Variants in UNK observed in about 807,000 individuals in gnomAD.
UNK encodes RING finger protein unkempt homolog.
In UNK, 32 loss-of-function variants were observed where a neutral mutation model predicts 97.6. The ratio of observed to expected loss-of-function variants is 0.33; its 90% CI spans 0.25 to 0.44. The LOEUF (loss-of-function observed/expected upper bound fraction) is 0.44. Ranked by LOEUF, UNK falls within the 20% of genes least tolerant of loss-of-function variation. UNK has a pLI of 1.00. For missense variants in UNK, 771 were observed against 1,098.4 expected (o/e 0.70, Z 4.21); for synonymous variants, 441 against 461.2 (o/e 0.96, Z 0.56).
intron 1 of UNK, among the ~76,000 whole-genome samples, chr17:75,796,231 G>T (rs1292475358): frequency 2.0e-5 from 3 of 151,744 alleles, no homozygotes; most frequent in African/African-American, 7.3e-5. Flanking sequence ...CTGCCAGAGA[G>T]AATATTCTAA....
chr17:75,800,104 T>A (rs2061842088), intron 1 of UNK, among the ~76,000 whole-genome samples: 1 of 152,194 alleles, frequency 6.6e-6, no homozygotes, highest in Non-Finnish European at 1.5e-5. Flanking sequence ...GGTCTCAGTC[T>A]ATCCTCCTGG....
In UNK at chr17:75,822,427, C is replaced by G. The variant is rs568812521; in HGVS notation, c.1838-50C>G. 5.1e-6 allele frequency: 8 copies of G among 1,553,472 alleles called. No individual in the cohort carries two copies. The African/African-American group carries it at 8.2e-5, about 16-fold the overall frequency. On this transcript the variant is annotated intron_variant, in intron 13 of 15. Transcript: ENST00000589666. ...ACCTCTGAGGCAGGGCTGGCCAGGG[C>G]CTGGGCCCAAAGCCCTCCGGAGCTG... is the stretch of plus-strand genomic sequence containing the variant.
intron 1 of UNK, chr17:75,791,943 C>T: frequency 1.0e-6 from 1 of 985,408 alleles, no homozygotes; most frequent in Non-Finnish European, 1.2e-6. Context: ...AAATAGCACC[C>T]CAGATAAGTG....
intron 1 of UNK, among the ~76,000 whole-genome samples, chr17:75,786,170 C>A (rs891387145): frequency 3.3e-5 from 5 of 152,182 alleles, no homozygotes; most frequent in Non-Finnish European, 5.9e-5. Flanking sequence ...TTAACCATTC[C>A]TTTTCTGATA....
chr17:75,823,348 G>A lies in UNK; in HGVS notation c.2103G>A (p.Glu701=). 1 of 1,611,660 alleles carries A rather than the reference G, an allele frequency of 6.2e-7. No homozygotes were observed. Among genetic ancestry groups the A allele is most frequent in the South Asian group, 1.1e-5 (1 of 90,978 alleles). The stretch of plus-strand genomic sequence containing the variant: ...GCGCCGAGTGCGAGCTGGCCCGGGA[G>A]CAGCGGGATGCACTGGAGGTGCAGG... ...AAGAECELAR[E]QRDALEVQVK... The change falls in exon 15 of 16, where the codon GAG becomes GAA. Residue 701 remains glutamate, a synonymous_variant. Transcript: ENST00000589666.
At chr17:75,821,345 AG>A (rs1186565487) in intron 13 of UNK, 1 of 456,432 alleles carries the variant, frequency 2.2e-6, no homozygotes, top group Non-Finnish European at 4.4e-6. Flanking sequence ...AGCTGTGGCC[AG>A]TGTGGGAAGC....
Position 75,824,343 on chromosome 17 carries a change from C to T in UNK, c.2359C>T (p.Leu787=). The T allele has an allele frequency of 2.5e-6, 4 of 1,601,568 alleles. No homozygotes were observed. Among genetic ancestry groups the T allele is most frequent in the Non-Finnish European group, 3.4e-6 (4 of 1,175,940 alleles). Reference sequence around the variant, plus strand: ...AGTGCTGCCGTGCCAACACGCTGCGCTGTGTGAGCTCTGCGCTGAGGGCAG... The same window carrying T: ...AGTGCTGCCGTGCCAACACGCTGCGTTGTGTGAGCTCTGCGCTGAGGGCAG... ...RAVLPCQHAA[L]CELCAEGSEC... Residue 787 remains leucine (L), a synonymous_variant, in exon 16 of 16, where the codon CTG becomes TTG. Coordinates refer to ENST00000589666, the MANE Select transcript of UNK (RefSeq NM_001080419.3). This position sits in a 1 kb window ranked among gnomAD's most constrained non-coding sequence, Gnocchi z 4.9.
At chr17:75,785,138 CCCAACTGCCT>C (rs1318255626) in intron 1 of UNK, 154 bp downstream of exon 1, 18 of 548,550 alleles carry the variant, frequency 3.3e-5, no homozygotes, top group Middle Eastern at 4.7e-4. Context: ...TGGGGCCGGT[CCCAACTGCCT>C]CCAACTGCCA....
In UNK at chr17:75,825,768, C is replaced by T. The variant is rs1298182834; in HGVS notation, c.*1351C>T. On this transcript the variant is annotated 3_prime_UTR_variant, in exon 16 of 16. Coordinates refer to ENST00000589666, the MANE Select transcript of UNK (RefSeq NM_001080419.3). The surrounding 1 kb of genome is among the most constrained non-coding windows in gnomAD (Gnocchi z 4.4). Reference sequence around the variant, plus strand: ...AAAAATGCAAAAATCAACAAAGCTCCAAACCTATTGGAAATAAAATATGAA... The same window carrying T: ...AAAAATGCAAAAATCAACAAAGCTCTAAACCTATTGGAAATAAAATATGAA... 6.6e-6 allele frequency: 1 copy of T among 152,198 alleles called. No individual in the cohort carries two copies. The highest frequency in any genetic ancestry group is 2.1e-4 in the South Asian group (1 of 4,830). The allele number at this position is 152,198 out of a possible 1,614,324, so 9.4% of individuals were successfully genotyped here.
At chr17:75,821,054 T>TG (rs1442836886) in intron 13 of UNK, among the ~76,000 whole-genome samples, 2 of 150,446 alleles carry the variant, frequency 1.3e-5, no homozygotes, top group African/African-American at 2.4e-5. Context: ...TAGGATCTGT[T>TG]TTTTTTTTTT....
chr17:75,822,545 C>G lies in UNK; in HGVS notation c.1906C>G (p.Pro636Ala). The G allele has an allele frequency of 1.2e-6, 2 of 1,613,660 alleles. No individual in the cohort carries two copies. The highest frequency in any genetic ancestry group is 1.7e-6 in the Non-Finnish European group (2 of 1,179,818). ...TGGAAGCTTCTCCCCGGGCACTTCC[C>G]CCGCTTTCCTATCAGGGCCAGGGGC... ...ASGSFSPGTS[P>A]AFLSGPGAAE... The change falls in exon 14 of 16, where the codon CCC (proline) becomes GCC (alanine). Residue 636 changes from proline (P) to alanine (A), a missense_variant. Coordinates refer to ENST00000589666, the MANE Select transcript of UNK (RefSeq NM_001080419.3).
chr17:75,789,785 A>G (rs549683848), intron 1 of UNK, among the ~76,000 whole-genome samples: 79 of 152,326 alleles, frequency 5.2e-4, no homozygotes, highest in Middle Eastern at 3.4e-3. Context: ...ATCACGTCTC[A>G]AAATGTATCT....
At chr17:75,809,569 T>C (rs914527884) in intron 1 of UNK, among the ~76,000 whole-genome samples, 191 bp from the exon 2 acceptor site, 2 of 152,210 alleles carry the variant, frequency 1.3e-5, no homozygotes, top group African/African-American at 4.8e-5. Flanking sequence ...CAGGCTGGTG[T>C]GGGACTGGGG....
chr17:75,810,135 G>A (rs1203751995), intron 2 of UNK, among the ~76,000 whole-genome samples, 166 bp downstream of exon 2: 5 of 152,212 alleles, frequency 3.3e-5, no homozygotes, highest in Admixed American at 6.5e-5. Context: ...GGTAGGCTGC[G>A]GGGAGGTACC....
At chr17:75,822,924 C>T (rs927121834) in intron 14 of UNK, among the ~76,000 whole-genome samples, 2 of 152,204 alleles carry the variant, frequency 1.3e-5, no homozygotes, top group East Asian at 1.9e-4. Flanking sequence ...CCAGTAGCCT[C>T]GCCTCTCCAG....
Position 75,823,427 on chromosome 17 carries a change from G to A in UNK, c.2182G>A (p.Ala728Thr), listed in dbSNP as rs541391429. Residue 728 changes from alanine to threonine, a missense_variant, in exon 15 of 16, where the codon GCC becomes ACC. Ala to Thr is a moderately conservative substitution (Grantham distance 58, BLOSUM62 0). Transcript: ENST00000589666. ...ERLHAGPEPQ[A>T]LPAFSDLEAL... ...GCTACACGCGGGGCCTGAGCCCCAG[G>A]CCCTGCCCGCCTTCTCCGACCTGGA... 439 of 1,593,804 alleles carry A rather than the reference G, an allele frequency of 2.8e-4. 1 individual carries two copies. Among genetic ancestry groups the A allele is most frequent in the Admixed American group, 4.7e-4 (27 of 57,208 alleles).
intron 5 of UNK, 93 bp downstream of exon 5, chr17:75,813,306 G>T: frequency 6.8e-7 from 1 of 1,461,946 alleles, no homozygotes. Context: ...CGGGAGGAGG[G>T]GAGGCTGGTC....
intron 1 of UNK, chr17:75,793,593 GGCCTGTGACA>G (rs2061780607): frequency 2.0e-6 from 2 of 985,324 alleles, no homozygotes; most frequent in South Asian, 4.7e-5. Context: ...AAGATACTGA[GGCCTGTGACA>G]GCCTGTGACA....
chr17:75,801,179 C>T (rs1368779495), intron 1 of UNK, among the ~76,000 whole-genome samples: 2 of 151,944 alleles, frequency 1.3e-5, no homozygotes, highest in African/African-American at 2.4e-5. Flanking sequence ...CTGGGATTAC[C>T]GGTGTGAGCC....
Sources: gnomAD v4.1 joint callset for allele counts (sites outside exome capture counted in the v4.1 genomes callset) on GRCh38, gnomAD v4.1.1 for gene constraint, Gnocchi (gnomAD v3.1) non-coding constraint, MANE v1.5 for transcripts, NCBI Gene and HGNC (gene_info 2026-07-23, HGNC 2026-07-21) for gene names.